Variants in KIR3DL1 observed in about 807,000 individuals in gnomAD.
KIR3DL1 encodes the protein killer cell immunoglobulin like receptor, three Ig domains and long cytoplasmic tail 1.
KIR3DL1 carries 50 observed loss-of-function variants against 40.3 expected under a neutral mutation model. That is an observed-to-expected ratio of 1.24 (90% CI 0.99 to 1.57). KIR3DL1 has a LOEUF of 1.57. Among genes scored for constraint, KIR3DL1 ranks in the 40% most tolerant of loss-of-function variants. The probability of loss-of-function intolerance (pLI) is 0.00; values close to 1 mark genes in which losing one functional copy is unlikely to be tolerated. For synonymous variants in KIR3DL1, 257 were observed against 207.2 expected, an observed-to-expected ratio of 1.24 and a Z score of -2.07; for missense variants, 661 against 559.9, an observed-to-expected ratio of 1.18 and a Z score of -1.82.
At chr19:54,822,755 G>A (rs1379231654) in intron 5 of KIR3DL1, among the ~76,000 whole-genome samples, 2 of 148,420 alleles carry the variant, frequency 1.3e-5, no homozygotes, top group Non-Finnish European at 3.0e-5. Context: ...ATGTGGGTGA[G>A]AAATGGGAAT....
chr19:54,826,144 G>C (rs1195195882), intron 6 of KIR3DL1, among the ~76,000 whole-genome samples: 1 of 150,432 alleles, frequency 6.6e-6, no homozygotes, highest in Non-Finnish European at 1.5e-5. Flanking sequence ...TTTTGGGGTG[G>C]GACAGCATTC....
chr19:54,828,233 AC>A (rs1445468935), intron 6 of KIR3DL1, among the ~76,000 whole-genome samples: 2 of 151,046 alleles, frequency 1.3e-5, no homozygotes, highest in East Asian at 3.9e-4. Flanking sequence ...TATTGATTTC[AC>A]TTTTGTTTCC....
exon 9 of KIR3DL1, chr19:54,830,429 T>G: frequency 6.3e-6 from 6 of 946,128 alleles, no homozygotes; most frequent in Non-Finnish European, 9.6e-6. Context: ...ATCTGGTGCC[T>G]CTCTCTTGCT....
At position 54,818,617 on chromosome 19, in the gene KIR3DL1, T is replaced by G; in HGVS notation, c.355+18T>G. The G allele has an allele frequency of 1.2e-6, 2 of 1,601,094 alleles. No individual in the cohort carries two copies. Among genetic ancestry groups the G allele is most frequent in the South Asian group, 2.2e-5 (2 of 89,830 alleles). On this transcript the variant is annotated intron_variant, in intron 3 of 8. Transcript: ENST00000391728. The stretch of plus-strand genomic sequence containing the variant: ...GGTCACAGGTCAGAGGCTTTCCGTC[T>G]GGGCTTCTCACTGTCCCACCTCCTG...
At chr19:54,818,343 C>A (rs1240442351) in exon 3 of KIR3DL1, 8 of 1,604,326 alleles carry the variant, frequency 5.0e-6, no homozygotes, top group Non-Finnish European at 6.8e-6. Context: ...TCCTGTCTGC[C>A]TGGCCCAGCG....
intron 6 of KIR3DL1, among the ~76,000 whole-genome samples, chr19:54,826,038 C>T (rs1420417710): frequency 6.6e-6 from 1 of 151,246 alleles, no homozygotes; most frequent in African/African-American, 2.5e-5. Context: ...GTTTTAAGTT[C>T]AGCTGACTAG....
chr19:54,819,999 C>T (rs1326618520), exon 4 of KIR3DL1: 18 of 1,610,140 alleles, frequency 1.1e-5, no homozygotes, highest in Admixed American at 8.4e-5. Flanking sequence ...ATCCCCTGGA[C>T]ATCGTGGTCA....
chr19:54,822,321 AG>A (rs1237254516), intron 5 of KIR3DL1, among the ~76,000 whole-genome samples: 1 of 151,300 alleles, frequency 6.6e-6, no homozygotes, highest in Non-Finnish European at 1.5e-5. Flanking sequence ...AGTAAAATCT[AG>A]TGGTCATAAA....
At chr19:54,821,146 C>T (rs679057) in intron 4 of KIR3DL1, among the ~76,000 whole-genome samples, 68,413 of 147,228 alleles carry the variant, frequency 0.46, 16,887 homozygotes, top group East Asian at 0.71. Context: ...GATAGACAGA[C>T]AGACAATTGA....
exon 9 of KIR3DL1, chr19:54,830,438 CT>C: frequency 2.2e-6 from 2 of 893,726 alleles, no homozygotes; most frequent in Non-Finnish European, 3.4e-6. Flanking sequence ...CTCTCTCTTG[CT>C]TACAAATGTC....
chr19:54,826,959 G>C (rs2916045), intron 6 of KIR3DL1, among the ~76,000 whole-genome samples: 5 of 145,586 alleles, frequency 3.4e-5, no homozygotes, highest in Admixed American at 6.8e-5. Context: ...CCTCGGGGTA[G>C]CCAGGAATCC....
chr19:54,823,023 A>G (rs2148130672), intron 5 of KIR3DL1, among the ~76,000 whole-genome samples: 1 of 141,398 alleles, frequency 7.1e-6, no homozygotes, highest in Admixed American at 7.3e-5. Flanking sequence ...GGACACTATG[A>G]AAGTTCTCTT....
chr19:54,818,206 G>T (rs1601308541), intron 2 of KIR3DL1, 109 bp from the exon 3 acceptor site: 1 of 1,227,322 alleles, frequency 8.1e-7, no homozygotes. Flanking sequence ...TGGGCACCCA[G>T]GTGTGGTAGG....
At chr19:54,819,742 C>A (rs1260147617) in exon 4 of KIR3DL1, 3 of 1,609,826 alleles carry the variant, frequency 1.9e-6, no homozygotes, top group South Asian at 2.2e-5. Flanking sequence ...CCTCCTGGCC[C>A]ACCCAGGTCC....
At chr19:54,817,407 G>C in intron 1 of KIR3DL1, 127 bp from the exon 2 acceptor site, 3 of 800,806 alleles carry the variant, frequency 3.7e-6, no homozygotes, top group Non-Finnish European at 6.4e-6. Context: ...GGGGCAGGTA[G>C]GCAGCGAGGG....
At position 54,830,317 on chromosome 19, in the gene KIR3DL1, C is replaced by T. The variant is rs752918235; in HGVS notation, c.*42C>T. On this transcript the variant is annotated 3_prime_UTR_variant, in exon 9 of 9. Coordinates refer to ENST00000391728, the Ensembl canonical transcript of KIR3DL1. The stretch of plus-strand genomic sequence containing the variant: ...TTGAGGACGTCTTCTAGGGAGACAA[C>T]AGCCCTGTCTCAAAACCGAGTTGCC... 2.0e-6 allele frequency: 3 copies of T among 1,504,836 alleles called. 1 individual carries two copies. Among genetic ancestry groups the T allele is most frequent in the South Asian group, 2.5e-5 (2 of 79,076 alleles). 93.2% of individuals were successfully genotyped at this position (1,504,836 alleles called of 1,614,324 possible).
rs190906395 is a variant in KIR3DL1 at position 54,818,698 on chromosome 19, C to A, written c.355+99C>A. ...CAGGGTCCCATCACCCAGGCCCTGACTGTATTTGGGGTCAAGGGAGATTGA... is the reference window on the plus strand; with the variant it reads ...CAGGGTCCCATCACCCAGGCCCTGAATGTATTTGGGGTCAAGGGAGATTGA... On this transcript the variant is annotated intron_variant, in intron 3 of 8. Coordinates refer to ENST00000391728, the Ensembl canonical transcript of KIR3DL1. 15 of 1,473,426 alleles carry A rather than the reference C, an allele frequency of 1.0e-5. 1 individual carries two copies. The African/African-American group carries it at 2.1e-4, about 21-fold the overall frequency. The allele number at this position is 1,473,426 out of a possible 1,614,324, so 91.3% of individuals were successfully genotyped here.
rs368202212 is a variant in KIR3DL1, at chr19:54,822,485, G to T, written c.949+627G>T. On this transcript the variant is annotated intron_variant, in intron 5 of 8. Transcript: ENST00000391728. ...ACTAAACAGACAAGAAAAATTAGCCGAGCATGCTGGCATGCACCTGTAGTC... is the reference window on the plus strand; with the variant it reads ...ACTAAACAGACAAGAAAAATTAGCCTAGCATGCTGGCATGCACCTGTAGTC... 1.1e-4 allele frequency among the ~76,000 whole-genome samples: 16 copies of T among 150,320 alleles called. 2 individuals are homozygous for T. In the South Asian group the frequency reaches 1.3e-3, roughly 12 times the overall value.
intron 5 of KIR3DL1, among the ~76,000 whole-genome samples, chr19:54,822,493 T>C (rs62124109): frequency 0.27 from 40,898 of 148,760 alleles, 6,363 homozygotes; most frequent in Non-Finnish European, 0.32. Flanking sequence ...CCGAGCATGC[T>C]GGCATGCACC....
Sources: allele counts gnomAD v4.1 joint callset (sites outside exome capture counted in the v4.1 genomes callset), GRCh38; gene constraint gnomAD v4.1.1; transcripts MANE v1.5; gene names NCBI Gene and HGNC (gene_info 2026-07-23, HGNC 2026-07-21).